Variants in LTBP2 observed in about 807,000 individuals in gnomAD.
LTBP2 encodes latent-transforming growth factor beta-binding protein 2.
A neutral mutation model predicts 210.6 loss-of-function variants in LTBP2; 103 were observed. That is an observed-to-expected ratio of 0.49 (90% confidence interval 0.42 to 0.58). LTBP2 has a LOEUF of 0.58. Ranked by LOEUF, LTBP2 falls within the 20% of genes least tolerant of loss-of-function variation. The pLI is 0.00. For missense variants in LTBP2, 2,313 were observed against 2,494.5 expected (o/e 0.93, Z 1.55); for synonymous variants, 1,007 against 1,015.0 (o/e 0.99, Z 0.15).
chr14:74,603,252 CGAGTAGCTGG>C (rs1420537656), intron 2 of LTBP2, among the ~76,000 whole-genome samples: 2 of 152,114 alleles, frequency 1.3e-5, no homozygotes, highest in Non-Finnish European at 2.9e-5. Flanking sequence ...CTCAGCCTCC[CGAGTAGCTGG>C]GATTACAGGC....
Position 74,532,425 on chromosome 14 carries a change from C to T in LTBP2, c.1987+1G>A. 3 of 1,614,012 alleles carry T rather than the reference C, an allele frequency of 1.9e-6. No individual in the cohort carries two copies. The highest frequency in any genetic ancestry group is 2.5e-6 in the Non-Finnish European group (3 of 1,179,986). On this transcript the variant is annotated splice_donor_variant, in intron 10 of 35. Coordinates refer to ENST00000261978, the MANE Select transcript of LTBP2 (RefSeq NM_000428.3). LOFTEE classifies it high-confidence loss of function. ...CCCACCCCATCCCTGCCAGCACTCA[C>T]ACACACAGCGGCTCCGCGATGGATC...
In LTBP2 at chr14:74,553,013, G is replaced by C; in HGVS notation, c.1071C>G (p.Pro357=). 1 of 1,614,190 alleles carries C rather than the reference G, an allele frequency of 6.2e-7. No homozygotes were observed. ...GGGCACAGGTCTGCTTGCAGATGGT[G>C]GGAGTGAAGACGATCTTGATCTTCT... ...KIKKIKIVFT[P]TICKQTCARG... is the part of the protein sequence containing the mutation. The change falls in exon 5 of 36, where the codon CCC becomes CCG. Residue 357 remains proline (P), a synonymous_variant. Transcript: ENST00000261978.
chr14:74,581,589 AAGGAAATGGGGC>A (rs2088137326), intron 3 of LTBP2, among the ~76,000 whole-genome samples: 1 of 152,156 alleles, frequency 6.6e-6, no homozygotes, highest in African/African-American at 2.4e-5. Context: ...GACAGCTAGC[AAGGAAATGGGGC>A]CTCCGTCTTA....
chr14:74,526,241 A>AGTGGAGGG, intron 13 of LTBP2, 127 bp from the exon 14 acceptor site: 1 of 919,804 alleles, frequency 1.1e-6, no homozygotes. Context: ...CATTCATTCC[A>AGTGGAGGG]GGTATTGATG....
chr14:74,566,095 C>G (rs2087898955), intron 3 of LTBP2, among the ~76,000 whole-genome samples: 1 of 151,738 alleles, frequency 6.6e-6, no homozygotes, highest in South Asian at 2.1e-4. Flanking sequence ...TTTTTTTATG[C>G]ATACATAGAC....
chr14:74,556,909 T>C (rs140420524), intron 3 of LTBP2, among the ~76,000 whole-genome samples: 122 of 152,386 alleles, frequency 8.0e-4, no homozygotes, highest in Non-Finnish European at 1.5e-3. Flanking sequence ...TGTTGTACTA[T>C]TCTATTTTAT....
rs1428041207 is a variant in LTBP2 at position 74,508,002 on chromosome 14, T to C, written c.3746A>G (p.Gln1249Arg). Residue 1249 changes from glutamine to arginine, a missense_variant, in exon 25 of 36, where the codon CAG becomes CGG. Coordinates refer to ENST00000261978, the MANE Select transcript of LTBP2 (RefSeq NM_000428.3). ...ACACTCTCCACTCTCTGGGGAGGGC[T>C]GGAAGCCAGTCTCACATAGACAGTT... ...SFNCLCETGF[Q>R]PSPESGECVD... 1 of 1,613,688 alleles carries C rather than the reference T, an allele frequency of 6.2e-7. No homozygotes were observed. The highest frequency in any genetic ancestry group is 1.3e-5 in the African/African-American group (1 of 74,940).
intron 3 of LTBP2, among the ~76,000 whole-genome samples, chr14:74,570,471 C>A (rs2087960690): frequency 6.6e-6 from 1 of 152,182 alleles, no homozygotes; most frequent in South Asian, 2.1e-4. Flanking sequence ...TCCCAGCCTG[C>A]CCTTTCCGCT....
chr14:74,542,822 A>G (rs2087526332), intron 8 of LTBP2, among the ~76,000 whole-genome samples: 1 of 149,128 alleles, frequency 6.7e-6, no homozygotes, highest in Admixed American at 6.7e-5. Flanking sequence ...GCTGGAGTGC[A>G]GTGGCGCGAT....
At position 74,504,002 on chromosome 14, in the gene LTBP2, G is replaced by A; in HGVS notation, c.4506C>T (p.Cys1502=). 1 of 1,614,114 alleles carries A rather than the reference G, an allele frequency of 6.2e-7. No individual in the cohort carries two copies. Among genetic ancestry groups the A allele is most frequent in the Non-Finnish European group, 8.5e-7 (1 of 1,180,038 alleles). Residue 1502 remains cysteine (C), a synonymous_variant, in exon 31 of 36, where the codon TGC becomes TGT. Transcript: ENST00000261978. The part of the protein sequence containing the change: ...FGPGLCPNGR[C]LNTVPGYVCL... ...AGACATAACCAGGCACGGTGTTGAG[G>A]CACCGGCCGTTCGGGCAGAGACCAG...
rs141783623 is a variant in LTBP2 at position 74,522,031 on chromosome 14, C to T, written c.2668G>A (p.Glu890Lys). Reference protein sequence around the residue: ...PSQAYCTDDNECLRDPCKGKG... With the variant: ...PSQAYCTDDNKCLRDPCKGKG... ...CCCTTGCAGGGGTCCCTCAGACACTCGTTGTCATCTGACCAGAAGAAGGCA... is the reference window on the plus strand; with the variant it reads ...CCCTTGCAGGGGTCCCTCAGACACTTGTTGTCATCTGACCAGAAGAAGGCA... The change falls in exon 17 of 36, where the codon GAG becomes AAG. Residue 890 changes from glutamate to lysine, a missense_variant. By Grantham distance (56) the Glu-to-Lys change is moderately conservative. Coordinates refer to ENST00000261978, the MANE Select transcript of LTBP2 (RefSeq NM_000428.3). 8.3e-4 allele frequency: 1,342 copies of T among 1,612,756 alleles called. 11 individuals carry two copies. Among genetic ancestry groups the T allele is most frequent in the African/African-American group, 5.9e-3 (441 of 75,000 alleles).
intron 2 of LTBP2, among the ~76,000 whole-genome samples, chr14:74,599,790 G>C (rs1027147017): frequency 6.6e-6 from 1 of 152,260 alleles, no homozygotes; most frequent in Non-Finnish European, 1.5e-5. Flanking sequence ...CCAGAGGCAA[G>C]AGAGGGCAAC....
chr14:74,565,703 G>A (rs1474874422), intron 3 of LTBP2, among the ~76,000 whole-genome samples: 1 of 152,182 alleles, frequency 6.6e-6, no homozygotes, highest in Non-Finnish European at 1.5e-5. Flanking sequence ...GTTGGGGCTG[G>A]GAGGAGGTTG....
intron 14 of LTBP2, 128 bp downstream of exon 14, chr14:74,525,947 G>A (rs1035691935): frequency 6.1e-5 from 63 of 1,032,510 alleles, no homozygotes; most frequent in Middle Eastern, 2.0e-4. Flanking sequence ...CACAGGCCAC[G>A]TCCTTCTCAC....
chr14:74,564,321 A>ATATATATT (rs2087866849), intron 3 of LTBP2, among the ~76,000 whole-genome samples: 1 of 11,454 alleles, frequency 8.7e-5, no homozygotes. Flanking sequence ...ATATATATTT[A>ATATATATT]TATATATATT....
rs2087816697 is a variant in LTBP2 at position 74,563,083 on chromosome 14, C to A, written c.831-7390G>T. Among the ~76,000 whole-genome samples, 2 of 152,148 alleles carry A rather than the reference C, an allele frequency of 1.3e-5. 1 individual carries two copies. The highest frequency in any genetic ancestry group is 4.1e-4 in the South Asian group (2 of 4,824). On this transcript the variant is annotated intron_variant, in intron 3 of 35. Coordinates refer to ENST00000261978, the MANE Select transcript of LTBP2 (RefSeq NM_000428.3). ...GAGAAGCTCCTCCCACCACCATGACCACACAGCCAATGACTGCCTGAAAGG... is the reference window on the plus strand; with the variant it reads ...GAGAAGCTCCTCCCACCACCATGACAACACAGCCAATGACTGCCTGAAAGG...
In LTBP2 at chr14:74,508,011, G is replaced by C. The variant is rs374811542; in HGVS notation, c.3737C>G (p.Thr1246Ser). 6.2e-7 allele frequency: 1 copy of C among 1,613,804 alleles called. No homozygotes were observed. Among genetic ancestry groups the C allele is most frequent in the Non-Finnish European group, 8.5e-7 (1 of 1,180,046 alleles). ...TEGSFNCLCE[T>S]GFQPSPESGE... ...ACTCTCTGGGGAGGGCTGGAAGCCA[G>C]TCTCACATAGACAGTTGAAGGAGCC... The change falls in exon 25 of 36, where the codon ACT becomes AGT. Residue 1246 changes from threonine to serine, a missense_variant. Transcript: ENST00000261978.
chr14:74,547,977 T>A (rs2087599974), intron 8 of LTBP2, among the ~76,000 whole-genome samples: 1 of 152,074 alleles, frequency 6.6e-6, no homozygotes, highest in African/African-American at 2.4e-5. Flanking sequence ...ATTCTCTTGG[T>A]CTTACCTGCA....
Position 74,499,932 on chromosome 14 carries a change from A to G in LTBP2, c.*952T>C. Reference sequence around the variant, plus strand: ...TTGGAAATCTGGCTGCTTCTGAACAAGACCACACTGGAAAATAGACTTTTT... The same window carrying G: ...TTGGAAATCTGGCTGCTTCTGAACAGGACCACACTGGAAAATAGACTTTTT... On this transcript the variant is annotated 3_prime_UTR_variant, in exon 36 of 36. Coordinates refer to ENST00000261978, the MANE Select transcript of LTBP2 (RefSeq NM_000428.3). 1 of 231,048 alleles carries G rather than the reference A, an allele frequency of 4.3e-6. No individual in the cohort carries two copies. The highest frequency in any genetic ancestry group is 5.6e-5 in the Admixed American group (1 of 17,702). 14.3% of individuals were successfully genotyped at this position (231,048 alleles called of 1,614,324 possible). A position where few individuals can be genotyped will look rare whatever the true frequency, so the allele number is the denominator to read the frequency against.
Sources: gnomAD v4.1 joint callset for allele counts (sites outside exome capture counted in the v4.1 genomes callset) on GRCh38, gnomAD v4.1.1 for gene constraint, MANE v1.5 for transcripts, NCBI Gene and HGNC (gene_info 2026-07-23, HGNC 2026-07-21) for gene names.